Variants in ARHGAP42 observed in about 807,000 individuals in gnomAD.
ARHGAP42 encodes the protein rho GTPase-activating protein 42.
A neutral mutation model predicts 125.0 loss-of-function variants in ARHGAP42; 63 were observed. The observed-to-expected ratio is 0.50, with a 90% CI of 0.41 to 0.62. The LOEUF (loss-of-function observed/expected upper bound fraction) is 0.62. Among genes scored for constraint, ARHGAP42 ranks in the 20% least tolerant of loss-of-function variants. The probability of loss-of-function intolerance (pLI) is 0.00; values close to 1 mark genes in which losing one functional copy is unlikely to be tolerated. For synonymous variants in ARHGAP42, 339 were observed against 351.0 expected (o/e 0.97, Z 0.38); for missense variants, 766 against 1,024.2 (o/e 0.75, Z 3.44).
chr11:100,867,367 T>C (rs1865594238), intron 4 of ARHGAP42, among the ~76,000 whole-genome samples: 1 of 152,262 alleles, frequency 6.6e-6, no homozygotes, highest in South Asian at 2.1e-4. Context: ...CCTTCATCTA[T>C]GATTTTAGCT....
chr11:100,700,050 AGATAT>A (rs2120200451), intron 1 of ARHGAP42, among the ~76,000 whole-genome samples: 1 of 152,268 alleles, frequency 6.6e-6, no homozygotes, highest in Non-Finnish European at 1.5e-5. Context: ...CAGATGTCAG[AGATAT>A]TGCAGGTTTG....
At chr11:100,756,162 G>C (rs950885561) in intron 1 of ARHGAP42, among the ~76,000 whole-genome samples, 1 of 142,504 alleles carries the variant, frequency 7.0e-6, no homozygotes, top group African/African-American at 2.6e-5. Context: ...AAGACAGGAG[G>C]ATGGCTTGAG....
At chr11:100,916,160 A>C (rs960237526) in intron 5 of ARHGAP42, among the ~76,000 whole-genome samples, 2 of 152,194 alleles carry the variant, frequency 1.3e-5, no homozygotes, top group African/African-American at 4.8e-5. Context: ...CATTGGAGTA[A>C]ACAGTTGGAG....
intron 3 of ARHGAP42, among the ~76,000 whole-genome samples, chr11:100,834,331 G>A (rs1864731296): frequency 6.6e-6 from 1 of 152,104 alleles, no homozygotes; most frequent in Non-Finnish European, 1.5e-5. Flanking sequence ...GGTCATTTCT[G>A]ATTAGTAGAA....
intron 2 of ARHGAP42, among the ~76,000 whole-genome samples, chr11:100,790,247 GTCA>G (rs1315980315): frequency 6.6e-6 from 1 of 152,028 alleles, no homozygotes; most frequent in Non-Finnish European, 1.5e-5. Flanking sequence ...TATAGAAGCT[GTCA>G]TCATACTTCC....
chr11:100,966,280 C>T (rs1224371866), intron 17 of ARHGAP42, among the ~76,000 whole-genome samples: 1 of 152,094 alleles, frequency 6.6e-6, no homozygotes, highest in Non-Finnish European at 1.5e-5. Context: ...TAGATAAATA[C>T]TGTATTAGCC....
At chr11:100,868,974 A>G (rs1865638589) in intron 4 of ARHGAP42, among the ~76,000 whole-genome samples, 1 of 152,066 alleles carries the variant, frequency 6.6e-6, no homozygotes, top group Non-Finnish European at 1.5e-5. Context: ...ACTTTCTGTC[A>G]GTGTAACTAA....
At chr11:100,781,046 C>T (rs182238489) in intron 2 of ARHGAP42, among the ~76,000 whole-genome samples, 1 of 152,086 alleles carries the variant, frequency 6.6e-6, no homozygotes, top group Non-Finnish European at 1.5e-5. Context: ...CCCACTGGCC[C>T]TGTTTTTTTG....
In ARHGAP42 at chr11:100,965,272, A is replaced by G. The variant is rs532164598; in HGVS notation, c.1445-399A>G. Among the ~76,000 whole-genome samples, 6 of 152,266 alleles carry G rather than the reference A, an allele frequency of 3.9e-5. No individual in the cohort carries two copies. In the South Asian group the frequency reaches 6.2e-4, roughly 16 times the overall value. ...GTGGGGACACAGCCAAACCATATCA[A>G]TGGGCTAATACGTACTCTAATGACT... On this transcript the variant is annotated intron_variant, in intron 16 of 23. Coordinates refer to ENST00000298815, the MANE Select transcript of ARHGAP42 (RefSeq NM_152432.4).
At chr11:100,828,167 C>T (rs200884076) in intron 3 of ARHGAP42, among the ~76,000 whole-genome samples, 4 of 105,146 alleles carry the variant, frequency 3.8e-5, no homozygotes, top group African/African-American at 8.1e-5. Context: ...TCTCACTTGC[C>T]GCTAAGTGCT....
At chr11:100,944,873 A>G (rs1010115499) in intron 10 of ARHGAP42, among the ~76,000 whole-genome samples, 1 of 152,014 alleles carries the variant, frequency 6.6e-6, no homozygotes, top group Non-Finnish European at 1.5e-5. Flanking sequence ...TTACTGAAGG[A>G]TGGGGTGGCT....
chr11:100,763,939 C>T (rs763315257), intron 1 of ARHGAP42, among the ~76,000 whole-genome samples: 2 of 151,888 alleles, frequency 1.3e-5, no homozygotes, highest in Non-Finnish European at 2.9e-5. Flanking sequence ...GTAAAGGATT[C>T]GTTAAATGTT....
intron 1 of ARHGAP42, among the ~76,000 whole-genome samples, chr11:100,746,071 A>G (rs1320402502): frequency 1.3e-5 from 2 of 152,186 alleles, no homozygotes; most frequent in Non-Finnish European, 2.9e-5. Flanking sequence ...AGCCAGTTGG[A>G]CTAAAGCATA....
intron 4 of ARHGAP42, among the ~76,000 whole-genome samples, chr11:100,863,671 C>T (rs1209597032): frequency 6.6e-6 from 1 of 152,144 alleles, no homozygotes; most frequent in African/African-American, 2.4e-5. Flanking sequence ...GTTTCAGATA[C>T]TTGGAGATTA....
At chr11:100,707,672 T>C (rs956973340) in intron 1 of ARHGAP42, among the ~76,000 whole-genome samples, 4 of 152,146 alleles carry the variant, frequency 2.6e-5, no homozygotes, top group African/African-American at 9.7e-5. Flanking sequence ...AAATGAGACA[T>C]TTACTCGCAT....
chr11:100,833,910 A>C (rs1457738213), intron 3 of ARHGAP42, among the ~76,000 whole-genome samples: 3 of 152,186 alleles, frequency 2.0e-5, no homozygotes, highest in Non-Finnish European at 2.9e-5. Flanking sequence ...ATACTTTTAA[A>C]AAATAAAAAT....
chr11:100,958,118 T>G (rs1857852876), intron 12 of ARHGAP42, among the ~76,000 whole-genome samples: 2 of 54,556 alleles, frequency 3.7e-5, no homozygotes, highest in Non-Finnish European at 7.0e-5. Context: ...TACTTTTTTT[T>G]GTCTCAGTTT....
intron 4 of ARHGAP42, among the ~76,000 whole-genome samples, chr11:100,875,359 G>A (rs1053608239): frequency 2.0e-5 from 3 of 152,106 alleles, no homozygotes; most frequent in Non-Finnish European, 4.4e-5. Context: ...TTCCTAGGAG[G>A]ATTGGGCTAG....
At chr11:100,785,886 CAAT>C (rs1863420940) in intron 2 of ARHGAP42, among the ~76,000 whole-genome samples, 1 of 152,086 alleles carries the variant, frequency 6.6e-6, no homozygotes, top group South Asian at 2.1e-4. Context: ...TTCCCTTTGA[CAAT>C]AATGGTTTGT....
Sources: allele counts gnomAD v4.1 joint callset (sites outside exome capture counted in the v4.1 genomes callset), GRCh38; gene constraint gnomAD v4.1.1; transcripts MANE v1.5; gene names NCBI Gene and HGNC (gene_info 2026-07-23, HGNC 2026-07-21).